Variants in GLT1D1 observed in about 807,000 individuals in gnomAD.
The protein encoded by GLT1D1 is glycosyltransferase 1 domain containing 1.
GLT1D1 carries 21 observed loss-of-function variants against 28.7 expected under a neutral mutation model. That is an observed-to-expected ratio of 0.73 (90% CI 0.52 to 1.05). The LOEUF (loss-of-function observed/expected upper bound fraction) is 1.05, where lower values mean the gene tolerates loss of function less well. Ranked by LOEUF, GLT1D1 falls within the 50% of genes least tolerant of loss-of-function variation. GLT1D1 has a pLI of 0.00. For synonymous variants in GLT1D1, 147 were observed against 124.8 expected (o/e 1.18, Z -1.19); for missense variants, 343 against 330.6 (o/e 1.04, Z -0.29).
At chr12:128,855,126 G>C (rs1956181866) in intron 1 of GLT1D1, among the ~76,000 whole-genome samples, 2 of 147,790 alleles carry the variant, frequency 1.4e-5, no homozygotes, top group Non-Finnish European at 1.5e-5. Context: ...TGAGGCAGGA[G>C]AATCGCTTGA....
At chr12:128,969,768 C>A (rs940030558) in intron 7 of GLT1D1, among the ~76,000 whole-genome samples, 1 of 152,228 alleles carries the variant, frequency 6.6e-6, no homozygotes, top group East Asian at 1.9e-4. Flanking sequence ...AGCTCAGTCC[C>A]CACCTCTGAG....
At chr12:128,936,096 A>G (rs1450311326) in intron 4 of GLT1D1, among the ~76,000 whole-genome samples, 31 of 151,956 alleles carry the variant, frequency 2.0e-4, no homozygotes, top group Non-Finnish European at 4.4e-5. Context: ...GAACACTTGG[A>G]CGGTGCCTGG....
intron 2 of GLT1D1, among the ~76,000 whole-genome samples, chr12:128,886,105 T>C (rs1261696459): frequency 2.0e-5 from 3 of 152,222 alleles, no homozygotes; most frequent in African/African-American, 7.2e-5. Flanking sequence ...TTCTCTTGTC[T>C]GCTACCATGT....
At chr12:128,933,367 G>A (rs1404403486) in intron 4 of GLT1D1, among the ~76,000 whole-genome samples, 1 of 152,284 alleles carries the variant, frequency 6.6e-6, no homozygotes, top group East Asian at 1.9e-4. Context: ...TCAGAAACAA[G>A]CTCTATTGAA....
At chr12:128,882,651 G>A (rs1957086063) in intron 2 of GLT1D1, among the ~76,000 whole-genome samples, 1 of 152,064 alleles carries the variant, frequency 6.6e-6, no homozygotes, top group Admixed American at 6.6e-5. Context: ...GAACGTCAAA[G>A]TAACACATTA....
intron 7 of GLT1D1, among the ~76,000 whole-genome samples, chr12:128,958,000 G>T (rs893991395): frequency 6.6e-6 from 1 of 152,254 alleles, no homozygotes; most frequent in African/African-American, 2.4e-5. Context: ...GCGCCTATGC[G>T]ATCACTTTTC....
intron 4 of GLT1D1, among the ~76,000 whole-genome samples, chr12:128,905,370 C>T (rs1422254327): frequency 6.6e-6 from 1 of 152,232 alleles, no homozygotes; most frequent in East Asian, 1.9e-4. Context: ...CTCAGGGCAG[C>T]TCTGTTTCAG....
chr12:128,951,114 ATGT>A (rs1876649333), intron 6 of GLT1D1, among the ~76,000 whole-genome samples: 1 of 152,200 alleles, frequency 6.6e-6, no homozygotes, highest in Non-Finnish European at 1.5e-5. Context: ...TCGAAACATC[ATGT>A]TGTGGCCGGG....
intron 1 of GLT1D1, among the ~76,000 whole-genome samples, chr12:128,856,532 C>T (rs1282865572): frequency 6.6e-6 from 1 of 152,082 alleles, no homozygotes; most frequent in South Asian, 2.1e-4. Context: ...GACATTGAAG[C>T]TAAGACCGAA....
chr12:128,878,882 T>TTAAA (rs1226155311), intron 2 of GLT1D1, among the ~76,000 whole-genome samples: 2 of 152,214 alleles, frequency 1.3e-5, no homozygotes, highest in Non-Finnish European at 2.9e-5. Flanking sequence ...CCTAAAGTGC[T>TTAAA]GAGATTAAAG....
intron 4 of GLT1D1, among the ~76,000 whole-genome samples, chr12:128,936,850 T>C (rs1874619448): frequency 6.6e-6 from 1 of 152,188 alleles, no homozygotes. Context: ...TTTCATGACA[T>C]GTGCTTTCAT....
At chr12:128,891,986 T>G (rs1021611409) in intron 3 of GLT1D1, among the ~76,000 whole-genome samples, 5 of 152,122 alleles carry the variant, frequency 3.3e-5, no homozygotes, top group African/African-American at 4.8e-5. Context: ...GGAGGTACAC[T>G]GGTTCGGTCT....
intron 1 of GLT1D1, among the ~76,000 whole-genome samples, chr12:128,870,121 G>A (rs960068073): frequency 1.3e-5 from 2 of 151,964 alleles, no homozygotes; most frequent in African/African-American, 2.4e-5. Flanking sequence ...ATGTTGGCCA[G>A]GCTGGTCTCA....
intron 4 of GLT1D1, among the ~76,000 whole-genome samples, chr12:128,933,111 A>C (rs1365654105): frequency 6.6e-6 from 1 of 151,998 alleles, no homozygotes; most frequent in Non-Finnish European, 1.5e-5. Context: ...GTAAGCAGGA[A>C]ACCACTCCTC....
intron 1 of GLT1D1, among the ~76,000 whole-genome samples, chr12:128,871,738 C>G (rs1428631394): frequency 6.6e-6 from 1 of 152,022 alleles, no homozygotes; most frequent in Non-Finnish European, 1.5e-5. Flanking sequence ...CTTTGTCCTC[C>G]TCTTCTTTGT....
chr12:128,862,630 GA>G (rs1415772360), intron 1 of GLT1D1, among the ~76,000 whole-genome samples: 8 of 152,294 alleles, frequency 5.3e-5, no homozygotes, highest in Admixed American at 2.0e-4. Context: ...GGCAGCAACA[GA>G]ATGAGACCCT....
chr12:128,959,817 A>T (rs1331564216), intron 7 of GLT1D1, among the ~76,000 whole-genome samples: 1 of 152,030 alleles, frequency 6.6e-6, no homozygotes, highest in African/African-American at 2.4e-5. Context: ...CGCTCTGGCA[A>T]AGTGTTCTGG....
At chr12:128,912,454 A>G in intron 4 of GLT1D1, 1 of 1,514,740 alleles carries the variant, frequency 6.6e-7, no homozygotes, top group Non-Finnish European at 8.8e-7. Flanking sequence ...CTATGTCCAG[A>G]GTCAAGGTAA....
chr12:128,882,557 G>A (rs1349451755), intron 2 of GLT1D1, among the ~76,000 whole-genome samples: 1 of 152,134 alleles, frequency 6.6e-6, no homozygotes, highest in East Asian at 1.9e-4. Context: ...GGGATTACAG[G>A]TGTGAGCCAC....
Sources: gnomAD v4.1 joint callset for allele counts (sites outside exome capture counted in the v4.1 genomes callset) on GRCh38, gnomAD v4.1.1 for gene constraint, MANE v1.5 for transcripts, NCBI Gene and HGNC (gene_info 2026-07-23, HGNC 2026-07-21) for gene names.